CPEB3: variants seen among roughly 807,000 people sequenced by gnomAD.
The protein encoded by CPEB3 is cytoplasmic polyadenylation element-binding protein 3.
A neutral mutation model predicts 67.2 loss-of-function variants in CPEB3; 20 were observed. The ratio of observed to expected loss-of-function variants is 0.30; its 90% CI spans 0.21 to 0.43. CPEB3 has a LOEUF of 0.43. CPEB3 is among the 20% of genes least tolerant of loss of function. CPEB3 has a pLI of 1.00. For synonymous variants in CPEB3, 376 were observed against 393.1 expected, an observed-to-expected ratio of 0.96 and a Z score of 0.51; for missense variants, 746 against 968.6, an observed-to-expected ratio of 0.77 and a Z score of 3.05.
intron 9 of CPEB3, among the ~76,000 whole-genome samples, chr10:92,080,894 C>T (rs979687688): frequency 1.3e-5 from 2 of 152,062 alleles, no homozygotes; most frequent in African/African-American, 2.4e-5. Flanking sequence ...CCACCGCGCC[C>T]GGTCATTTGG....
intron 9 of CPEB3, among the ~76,000 whole-genome samples, chr10:92,078,387 G>C (rs1031765697): frequency 1.3e-5 from 2 of 152,022 alleles, no homozygotes; most frequent in Non-Finnish European, 1.5e-5. Flanking sequence ...AATACCTTTC[G>C]ACCTGCCTTA....
chr10:92,084,113 C>T (rs1417032981), intron 8 of CPEB3, among the ~76,000 whole-genome samples: 1 of 142,604 alleles, frequency 7.0e-6, no homozygotes, highest in African/African-American at 2.7e-5. Context: ...TGCAGTGAGC[C>T]GAGATCACGC....
In CPEB3 at chr10:92,047,021, C is replaced by G. The variant is rs1327780590; in HGVS notation, c.*5191G>C. On this transcript the variant is annotated 3_prime_UTR_variant, in exon 10 of 10. Transcript: ENST00000265997. The stretch of plus-strand genomic sequence containing the variant: ...CAGCAAAAAATACAAATACCTAATA[C>G]TTTATACCCCAACAGAACTATATCC... The G allele has an allele frequency of 1.3e-5, 2 of 152,166 alleles. No individual in the cohort carries two copies. Among genetic ancestry groups the G allele is most frequent in the Non-Finnish European group, 2.9e-5 (2 of 68,034 alleles). The allele number at this position is 152,166 out of a possible 1,614,324, so 9.4% of individuals were successfully genotyped here.
chr10:92,147,075 G>C (rs1046747421), intron 4 of CPEB3, among the ~76,000 whole-genome samples: 3 of 152,168 alleles, frequency 2.0e-5, no homozygotes, highest in African/African-American at 7.2e-5. Context: ...GCTGGGGAAG[G>C]GGAAATGAAA....
At chr10:92,228,724 T>C (rs975491294) in intron 2 of CPEB3, among the ~76,000 whole-genome samples, 1 of 151,904 alleles carries the variant, frequency 6.6e-6, no homozygotes, top group Admixed American at 6.6e-5. Context: ...ATACATTTTT[T>C]TTTTTTTGAG....
At chr10:92,289,050 C>G (rs1254802536) in intron 1 of CPEB3, among the ~76,000 whole-genome samples, 2 of 152,176 alleles carry the variant, frequency 1.3e-5, no homozygotes, top group Admixed American at 1.3e-4. Flanking sequence ...CAAGATCAGC[C>G]TGGTCAACAT....
chr10:92,189,819 C>T (rs1848876829), intron 3 of CPEB3, among the ~76,000 whole-genome samples: 2 of 126,542 alleles, frequency 1.6e-5, no homozygotes, highest in Admixed American at 8.9e-5. Flanking sequence ...GCAATCACCA[C>T]GCCCTGCCTC....
chr10:92,199,679 C>CAAAAAAAAAA (rs59100106), intron 2 of CPEB3, among the ~76,000 whole-genome samples: 1 of 71,100 alleles, frequency 1.4e-5, no homozygotes, highest in Non-Finnish European at 2.5e-5. Flanking sequence ...GACTCCATCT[C>CAAAAAAAAAA]AAAAAAAAAA....
intron 8 of CPEB3, among the ~76,000 whole-genome samples, chr10:92,091,443 T>A (rs1843614896): frequency 6.6e-6 from 1 of 151,956 alleles, no homozygotes; most frequent in Non-Finnish European, 1.5e-5. Context: ...CACAATTATT[T>A]CATCACTGGA....
In CPEB3 at chr10:92,081,446, A is replaced by G. The variant is rs760462635; in HGVS notation, c.1743T>C (p.Ile581=). 14 of 1,614,156 alleles carry G rather than the reference A, an allele frequency of 8.7e-6. No individual in the cohort carries two copies. The East Asian group carries it at 2.9e-4, about 33-fold the overall frequency. ...GGTACTTCAGCTCTGGGTCCGTATCAATGCCAGCATAGCAGACACCACCGT... is the reference window on the plus strand; with the variant it reads ...GGTACTTCAGCTCTGGGTCCGTATCGATGCCAGCATAGCAGACACCACCGT... The part of the protein sequence containing the change: ...RLYGGVCYAG[I]DTDPELKYPK... The change falls in exon 9 of 10, where the codon ATT becomes ATC. Residue 581 remains isoleucine, a synonymous_variant. Coordinates refer to ENST00000265997, the MANE Select transcript of CPEB3 (RefSeq NM_014912.5).
intron 2 of CPEB3, among the ~76,000 whole-genome samples, chr10:92,193,371 G>A (rs562328628): frequency 1.6e-4 from 24 of 152,264 alleles, no homozygotes; most frequent in African/African-American, 5.8e-4. Flanking sequence ...GACGAGTCAA[G>A]TTAATTGGTT....
intron 2 of CPEB3, among the ~76,000 whole-genome samples, chr10:92,228,855 AGG>A (rs1418999573): frequency 3.3e-5 from 5 of 151,258 alleles, no homozygotes; most frequent in East Asian, 3.9e-4. Context: ...CTGGGATTAC[AGG>A]TGCATGCCAC....
In CPEB3 at chr10:92,239,604, A is replaced by G; in HGVS notation, c.747T>C (p.Asn249=). 8 of 1,556,218 alleles carry G rather than the reference A, an allele frequency of 5.1e-6. No individual in the cohort carries two copies. Among genetic ancestry groups the G allele is most frequent in the Non-Finnish European group, 7.0e-6 (8 of 1,149,940 alleles). ...SSSWNTHQSV[N]AAWSAPSNPW... is the part of the protein sequence containing the mutation. Reference sequence around the variant, plus strand: ...GGTTGGACGGTGCGCTCCAGGCTGCATTCACGCTTTGGTGCGTGTTCCAGC... The same window carrying G: ...GGTTGGACGGTGCGCTCCAGGCTGCGTTCACGCTTTGGTGCGTGTTCCAGC... The change falls in exon 2 of 10, where the codon AAT becomes AAC. Residue 249 remains asparagine (N), a synonymous_variant. Transcript: ENST00000265997. The surrounding 1 kb of genome is among the most constrained non-coding windows in gnomAD (Gnocchi z 6.0).
chr10:92,283,100 A>C (rs530844631), intron 1 of CPEB3, among the ~76,000 whole-genome samples: 22 of 152,152 alleles, frequency 1.4e-4, no homozygotes, highest in Admixed American at 5.9e-4. Context: ...AAAATACAAA[A>C]TATTATCTGG....
chr10:92,143,363 T>C (rs1846529574), intron 5 of CPEB3, among the ~76,000 whole-genome samples: 1 of 152,166 alleles, frequency 6.6e-6, no homozygotes, highest in Non-Finnish European at 1.5e-5. Flanking sequence ...GCCAATAAAC[T>C]TGACATAAAG....
intron 2 of CPEB3, among the ~76,000 whole-genome samples, chr10:92,202,946 GC>G (rs1242930919): frequency 6.7e-6 from 1 of 149,844 alleles, no homozygotes; most frequent in Non-Finnish European, 1.5e-5. Context: ...TTATTTTTAA[GC>G]TTTTTTTTTT....
At chr10:92,236,086 C>G (rs1851516838) in intron 2 of CPEB3, among the ~76,000 whole-genome samples, 1 of 152,148 alleles carries the variant, frequency 6.6e-6, no homozygotes, top group African/African-American at 2.4e-5. Flanking sequence ...ATAATTCCCC[C>G]CAGTGGAGTG....
intron 6 of CPEB3, among the ~76,000 whole-genome samples, chr10:92,135,905 A>G (rs1846069100): frequency 6.6e-6 from 1 of 151,970 alleles, no homozygotes; most frequent in South Asian, 2.1e-4. Flanking sequence ...GCAAACTATC[A>G]CGAGGATAGA....
intron 9 of CPEB3, among the ~76,000 whole-genome samples, chr10:92,070,142 G>C (rs1842700379): frequency 6.6e-6 from 1 of 152,040 alleles, no homozygotes. Flanking sequence ...TTCTCAACTG[G>C]GTTCTCTAAA....
Sources: gnomAD v4.1 joint callset for allele counts (sites outside exome capture counted in the v4.1 genomes callset) on GRCh38, gnomAD v4.1.1 for gene constraint, Gnocchi (gnomAD v3.1) non-coding constraint, MANE v1.5 for transcripts, NCBI Gene and HGNC (gene_info 2026-07-23, HGNC 2026-07-21) for gene names.